COL5A2: variants seen among roughly 807,000 people sequenced by gnomAD.
The protein encoded by COL5A2 is collagen type V alpha 2 chain, also known as collagen alpha-2(V) chain.
A neutral mutation model predicts 208.2 loss-of-function variants in COL5A2; 23 were observed. The ratio of observed to expected loss-of-function variants is 0.11; its 90% CI spans 0.08 to 0.16. COL5A2 has a LOEUF of 0.16. Among genes scored for constraint, COL5A2 ranks in the 10% least tolerant of loss-of-function variants. The pLI, the probability that COL5A2 is intolerant of heterozygous loss-of-function variation, is 1.00. For synonymous variants in COL5A2, 625 were observed against 628.5 expected (o/e 0.99, Z 0.08); for missense variants, 1,590 against 1,956.4 (o/e 0.81, Z 3.53).
the COL5A2 span, among the ~76,000 whole-genome samples, chr2:189,319,944 C>T: frequency 2.6e-5 from 4 of 152,200 alleles, no homozygotes; most frequent in Non-Finnish European, 2.9e-5. Flanking sequence ...TCTCACATGG[C>T]CGGGTACCCC....
chr2:189,409,191 T>C, the COL5A2 span, among the ~76,000 whole-genome samples: 5 of 148,376 alleles, frequency 3.4e-5, no homozygotes, highest in African/African-American at 1.2e-4. Flanking sequence ...TTATAGATTT[T>C]TATAAATTTA....
chr2:189,133,116 T>C (rs1687752885), intron 1 of COL5A2: 2 of 12,628 alleles, frequency 1.6e-4, no homozygotes, highest in South Asian at 0.016. Context: ...AAGTACGACT[T>C]TTTTTTTTTT....
the COL5A2 span, among the ~76,000 whole-genome samples, chr2:189,296,054 C>T: frequency 6.6e-6 from 1 of 151,908 alleles, no homozygotes; most frequent in Admixed American, 6.6e-5. Flanking sequence ...CATTTTCAGC[C>T]TCATTCTCTT....
chr2:189,176,497 A>G (rs1018245615), intron 1 of COL5A2, among the ~76,000 whole-genome samples: 1 of 152,176 alleles, frequency 6.6e-6, no homozygotes, highest in African/African-American at 2.4e-5. Flanking sequence ...TCCATTGCTT[A>G]TCCCATGTTG....
intron 44 of COL5A2, among the ~76,000 whole-genome samples, 156 bp downstream of exon 44, chr2:189,049,191 A>G (rs1042444715): frequency 3.2e-4 from 49 of 152,354 alleles, no homozygotes; most frequent in African/African-American, 1.2e-3. Context: ...TCACTTAGCC[A>G]ACTCTCTAGG....
the COL5A2 span, among the ~76,000 whole-genome samples, chr2:189,423,023 CAA>C: frequency 1.1e-3 from 119 of 112,804 alleles, no homozygotes; most frequent in East Asian, 1.7e-3. Context: ...AACTCTGTCT[CAA>C]AAAAAAAAAA....
the COL5A2 span, among the ~76,000 whole-genome samples, chr2:189,260,794 A>C: frequency 6.6e-6 from 1 of 152,214 alleles, no homozygotes; most frequent in African/African-American, 2.4e-5. Flanking sequence ...AATTCAAGTT[A>C]TATAAAAGGA....
chr2:189,342,769 AGGCACTT>A, the COL5A2 span, among the ~76,000 whole-genome samples: 1 of 151,920 alleles, frequency 6.6e-6, no homozygotes, highest in Non-Finnish European at 1.5e-5. Context: ...AATTTACTTT[AGGCACTT>A]GGCAAGTAAG....
chr2:189,149,262 T>C (rs780406137), intron 1 of COL5A2, among the ~76,000 whole-genome samples: 3 of 152,236 alleles, frequency 2.0e-5, no homozygotes, highest in African/African-American at 4.8e-5. Context: ...TAACATCTTA[T>C]ATGTTGCTTC....
chr2:189,401,240 T>G, the COL5A2 span, among the ~76,000 whole-genome samples: 2 of 152,168 alleles, frequency 1.3e-5, no homozygotes, highest in African/African-American at 2.4e-5. Flanking sequence ...CAGGCATTAG[T>G]GTGTGTTGTT....
chr2:189,337,609 A>T, the COL5A2 span, among the ~76,000 whole-genome samples: 3 of 152,232 alleles, frequency 2.0e-5, no homozygotes, highest in Non-Finnish European at 4.4e-5. Context: ...TGGAGGAAGC[A>T]TAGATTAGAA....
At chr2:189,314,406 CAA>C in the COL5A2 span, among the ~76,000 whole-genome samples, 1 of 152,100 alleles carries the variant, frequency 6.6e-6, no homozygotes, top group African/African-American at 2.4e-5. Context: ...AACAAAGATA[CAA>C]CACACCAGAG....
chr2:189,066,579 G>C (rs764032025), intron 22 of COL5A2, 82 bp from the exon 23 acceptor site: 32 of 1,458,404 alleles, frequency 2.2e-5, no homozygotes, highest in Non-Finnish European at 3.1e-5. Flanking sequence ...AACGAAGTCA[G>C]TCACAAATTT....
At chr2:189,229,010 A>G (rs897033897), upstream of COL5A2, among the ~76,000 whole-genome samples, 7 of 151,920 alleles carry the variant, frequency 4.6e-5, no homozygotes, top group East Asian at 1.9e-4. Flanking sequence ...CATCATATAA[A>G]TATCAATCAA....
At chr2:189,337,905 T>G in the COL5A2 span, among the ~76,000 whole-genome samples, 1 of 152,210 alleles carries the variant, frequency 6.6e-6, no homozygotes, top group Non-Finnish European at 1.5e-5. Context: ...GTTTGCATTC[T>G]GCAGTAGACA....
intron 1 of COL5A2, among the ~76,000 whole-genome samples, chr2:189,218,815 A>AT (rs1363002006): frequency 6.6e-6 from 1 of 152,096 alleles, no homozygotes; most frequent in Admixed American, 6.6e-5. Context: ...AGTATGCTTG[A>AT]TATTTCAGTG....
intron 1 of COL5A2, among the ~76,000 whole-genome samples, chr2:189,216,829 C>G (rs1689285081): frequency 6.6e-6 from 1 of 152,058 alleles, no homozygotes; most frequent in African/African-American, 2.4e-5. Context: ...ATTGTGTATA[C>G]TCAATAATGT....
intron 16 of COL5A2, among the ~76,000 whole-genome samples, chr2:189,077,159 G>A (rs1482564464): frequency 1.3e-5 from 2 of 152,032 alleles, no homozygotes; most frequent in African/African-American, 4.8e-5. Flanking sequence ...ATTAATAGTT[G>A]GTAGTTCTCT....
chr2:189,034,996 G>A lies in COL5A2; in HGVS notation c.4273C>T (p.Leu1425Phe), dbSNP rs1222795601. Residue 1425 changes from leucine (L) to phenylalanine (F), a missense_variant, in exon 53 of 54, where the codon CTC becomes TTC. Transcript: ENST00000374866. ...ATATCTAAGTCATTTGCCCCTTTGA[G>A]AACCACAGCTTTTTTGAGGTTCTTA... ...QAKNLKKAVV[L>F]KGANDLDIKA... 1 of 1,613,684 alleles carries A rather than the reference G, an allele frequency of 6.2e-7. No homozygotes were observed.
Sources: gnomAD v4.1 joint callset for allele counts (sites outside exome capture counted in the v4.1 genomes callset) on GRCh38, gnomAD v4.1.1 for gene constraint, MANE v1.5 for transcripts, NCBI Gene and HGNC (gene_info 2026-07-23, HGNC 2026-07-21) for gene names.